TMEM63A: variants seen among roughly 807,000 people sequenced by gnomAD.
TMEM63A encodes the protein transmembrane protein 63A, also known as mechanosensitive cation channel TMEM63A.
A neutral mutation model predicts 100.6 loss-of-function variants in TMEM63A; 76 were observed. The ratio of observed to expected loss-of-function variants is 0.76; its 90% CI spans 0.63 to 0.91. TMEM63A has a LOEUF of 0.91. TMEM63A is among the 40% of genes least tolerant of loss of function. TMEM63A has a pLI of 0.00. For missense variants in TMEM63A, 876 were observed against 1,008.8 expected, an observed-to-expected ratio of 0.87 and a Z score of 1.78; for synonymous variants, 401 against 401.1, an observed-to-expected ratio of 1.00 and a Z score of 0.00.
At chr1:225,845,414 TA>T, downstream of TMEM63A, 1 of 1,485,684 alleles carries the variant, frequency 6.7e-7, no homozygotes, top group East Asian at 2.5e-5. Context: ...TTGGGGAAGA[TA>T]CCCCTTTTCT....
intron 2 of TMEM63A, 86 bp from the exon 3 acceptor site, chr1:225,877,680 A>T: frequency 7.3e-7 from 1 of 1,375,738 alleles, no homozygotes; most frequent in Non-Finnish European, 9.7e-7. Flanking sequence ...AGCCAAAGGC[A>T]GGCGTTTCCC....
intron 20 of TMEM63A, among the ~76,000 whole-genome samples, chr1:225,851,537 T>C (rs990181553): frequency 1.3e-5 from 2 of 152,028 alleles, no homozygotes; most frequent in African/African-American, 4.8e-5. Context: ...GCCCAGTTAA[T>C]TTTTGTATTT....
chr1:225,875,532 G>A (rs1305816416), intron 3 of TMEM63A, among the ~76,000 whole-genome samples: 1 of 152,206 alleles, frequency 6.6e-6, no homozygotes, highest in Non-Finnish European at 1.5e-5. Context: ...CAGAGGCACT[G>A]AGTTCTCGTG....
In TMEM63A at chr1:225,859,579, CAA is replaced by C. The variant is rs927771211; in HGVS notation, c.1224-232_1224-231del. ...TAAAGTCTGGGGGCCAGAACCTACC[CAA>C]AGAGATGGCATGAGCACCCAAGCAG... On this transcript the variant is annotated intron_variant, in intron 14 of 24. Transcript: ENST00000366835. 8 of 542,754 alleles carry C rather than the reference CAA, an allele frequency of 1.5e-5. No individual in the cohort carries two copies. The African/African-American group carries it at 1.5e-4, about 11-fold the overall frequency. The allele number at this position is 542,754 out of a possible 1,614,324, so 33.6% of individuals were successfully genotyped here.
At position 225,871,990 on chromosome 1, in the gene TMEM63A, C is replaced by T. The variant is rs1481594184; in HGVS notation, c.330G>A (p.Glu110=). 5 of 1,612,666 alleles carry T rather than the reference C, an allele frequency of 3.1e-6. No homozygotes were observed. The highest frequency in any genetic ancestry group is 3.3e-5 in the Admixed American group (2 of 59,962). Residue 110 remains glutamate, a synonymous_variant, in exon 5 of 25, where the codon GAG becomes GAA. Transcript: ENST00000366835. ...CAACTGGGCCTTAGATACCAACCAG[C>T]TCATTTTCAAAGTCTTGTTGACCTG... The part of the protein sequence containing the change: ...SSSGQQDFEN[E]LGCCPWLTAI...
intron 20 of TMEM63A, among the ~76,000 whole-genome samples, chr1:225,851,820 T>G (rs1350018759): frequency 6.6e-6 from 1 of 152,280 alleles, no homozygotes; most frequent in African/African-American, 2.4e-5. Context: ...GTTTTTTGTT[T>G]CCTTCTAGAG....
At chr1:225,861,948 A>G (rs360080) in intron 13 of TMEM63A, 508,772 of 529,770 alleles carry the variant, frequency 0.96, 244,376 homozygotes, top group East Asian at 1. Flanking sequence ...GGAAGAGCCC[A>G]GCAGTGGGGC....
chr1:225,854,340 T>A (rs1294046823), intron 18 of TMEM63A, among the ~76,000 whole-genome samples: 1 of 152,054 alleles, frequency 6.6e-6, no homozygotes, highest in African/African-American at 2.4e-5. Flanking sequence ...AAGGGATCTG[T>A]TCCAATGGGG....
chr1:225,859,517 G>A, intron 14 of TMEM63A, 168 bp from the exon 15 acceptor site: 2 of 786,126 alleles, frequency 2.5e-6, no homozygotes, highest in Non-Finnish European at 4.0e-6. Flanking sequence ...CAAGAGCTCA[G>A]AGGGAACAAT....
chr1:225,842,962 C>T (rs1418395874), downstream of TMEM63A, among the ~76,000 whole-genome samples: 1 of 152,220 alleles, frequency 6.6e-6, no homozygotes, highest in Non-Finnish European at 1.5e-5. Flanking sequence ...CAGGCTTCAC[C>T]AAGGTCAGCT....
chr1:225,845,416 C>T (rs1180681026), downstream of TMEM63A: 9 of 1,488,474 alleles, frequency 6.0e-6, no homozygotes, highest in Admixed American at 1.6e-4. Flanking sequence ...GGGGAAGATA[C>T]CCCTTTTCTG....
chr1:225,854,345 A>T (rs1003083190), intron 18 of TMEM63A, among the ~76,000 whole-genome samples: 3 of 152,076 alleles, frequency 2.0e-5, no homozygotes, highest in African/African-American at 7.2e-5. Context: ...ATCTGTTCCA[A>T]TGGGGTCAGG....
At position 225,848,974 on chromosome 1, in the gene TMEM63A, G is replaced by C; in HGVS notation, c.2110C>G (p.Leu704Val). The C allele has an allele frequency of 7.0e-7, 1 of 1,426,564 alleles. No homozygotes were observed. The highest frequency in any genetic ancestry group is 9.4e-7 in the Non-Finnish European group (1 of 1,064,644). 88.4% of individuals were successfully genotyped at this position (1,426,564 alleles called of 1,614,324 possible). ...APATLFTFLV[L>V]LLTILVCLAH... is the part of the protein sequence containing the mutation. ...AGGCAGACCAGGATGGTGAGCAGCA[G>C]CACCAGGAAGGTGAACAGAGTGGCG... The change falls in exon 22 of 25, where the codon CTG (leucine) becomes GTG (valine). Residue 704 changes from leucine (L) to valine (V), a missense_variant. By Grantham distance (32) the Leu-to-Val change is conservative. Coordinates refer to ENST00000366835, the MANE Select transcript of TMEM63A (RefSeq NM_014698.3).
intron 14 of TMEM63A, 63 bp downstream of exon 14, chr1:225,860,797 G>C: frequency 6.6e-7 from 1 of 1,524,840 alleles, no homozygotes; most frequent in Non-Finnish European, 8.8e-7. Flanking sequence ...TGCTCCAGGT[G>C]ATGGGCAGCT....
intron 19 of TMEM63A, 79 bp from the exon 20 acceptor site, chr1:225,852,848 G>A (rs1219359949): frequency 7.6e-7 from 1 of 1,313,938 alleles, no homozygotes; most frequent in East Asian, 2.3e-5. Context: ...GTGGTGATGG[G>A]AGAGCAGGGT....
intron 4 of TMEM63A, among the ~76,000 whole-genome samples, 158 bp from the exon 5 acceptor site, chr1:225,872,211 T>A (rs1342216325): frequency 2.6e-5 from 4 of 151,976 alleles, no homozygotes; most frequent in African/African-American, 9.7e-5. Context: ...ACTCACTCTG[T>A]GAAAGATAGA....
At chr1:225,844,739 T>C, downstream of TMEM63A, 1 of 1,494,564 alleles carries the variant, frequency 6.7e-7, no homozygotes, top group Non-Finnish European at 9.0e-7. Flanking sequence ...TGCCTGCAGG[T>C]GCCCCAGGGG....
intron 4 of TMEM63A, 55 bp downstream of exon 4, chr1:225,874,233 T>C (rs1670662580): frequency 2.0e-6 from 3 of 1,534,470 alleles, no homozygotes; most frequent in Middle Eastern, 1.7e-4. Flanking sequence ...CACGCACATA[T>C]ACACACTCAC....
At position 225,861,024 on chromosome 1, in the gene TMEM63A, G is replaced by A. The variant is rs1172842628; in HGVS notation, c.1086-27C>T. 3.8e-6 allele frequency: 6 copies of A among 1,584,104 alleles called. No individual in the cohort carries two copies. The Admixed American group carries it at 5.3e-5, about 14-fold the overall frequency. On this transcript the variant is annotated intron_variant, in intron 13 of 24. Transcript: ENST00000366835. ...TGCAAGGAAATGTAGCAACAGCCAG[G>A]CCCAGGCTACTCAGGTTACCAAGCA...
Sources: allele counts gnomAD v4.1 joint callset (sites outside exome capture counted in the v4.1 genomes callset), GRCh38; gene constraint gnomAD v4.1.1; transcripts MANE v1.5; gene names NCBI Gene and HGNC (gene_info 2026-07-23, HGNC 2026-07-21).